The following LGR6 variants were observed in gnomAD, a reference collection of about 807,000 sequenced individuals.
LGR6 encodes the protein leucine rich repeat containing G protein-coupled receptor 6.
Under a neutral mutation model 69.4 loss-of-function variants are expected in LGR6, and 45 were observed. The ratio of observed to expected loss-of-function variants is 0.65; its 90% confidence interval spans 0.51 to 0.83. The LOEUF (loss-of-function observed/expected upper bound fraction) is 0.83, where lower values mean the gene tolerates loss of function less well. LGR6 is among the 40% of genes least tolerant of loss of function. The probability of loss-of-function intolerance (pLI) is 0.00; values close to 1 mark genes in which losing one functional copy is unlikely to be tolerated. For synonymous variants in LGR6, 538 were observed against 555.0 expected (o/e 0.97, Z 0.43); for missense variants, 1,108 against 1,246.7 (o/e 0.89, Z 1.68).
chr1:202,302,475 A>G (rs1209902148), intron 9 of LGR6, among the ~76,000 whole-genome samples: 1 of 152,154 alleles, frequency 6.6e-6, no homozygotes. Flanking sequence ...CCGTGTCCTC[A>G]ATAAAATAGG....
chr1:202,232,708 C>A (rs1354422988), intron 3 of LGR6, among the ~76,000 whole-genome samples: 1 of 152,124 alleles, frequency 6.6e-6, no homozygotes, highest in African/African-American at 2.4e-5. Flanking sequence ...ATAACCAGGG[C>A]TAAGAACCGC....
At chr1:202,198,187 A>T (rs1221003434) in intron 1 of LGR6, among the ~76,000 whole-genome samples, 3 of 151,732 alleles carry the variant, frequency 2.0e-5, no homozygotes, top group African/African-American at 7.3e-5. Flanking sequence ...TTTGCAGGGG[A>T]TGTCTACAGC....
At chr1:202,249,796 G>T (rs1010988626) in intron 4 of LGR6, among the ~76,000 whole-genome samples, 3 of 152,032 alleles carry the variant, frequency 2.0e-5, no homozygotes, top group South Asian at 2.1e-4. Flanking sequence ...TTGTCTGCCC[G>T]CCATCATCAC....
At chr1:202,266,522 A>G (rs1664674798) in intron 4 of LGR6, among the ~76,000 whole-genome samples, 1 of 150,436 alleles carries the variant, frequency 6.6e-6, no homozygotes, top group Non-Finnish European at 1.5e-5. Context: ...AATGCCTACA[A>G]TTTAAAGTTC....
At chr1:202,298,412 G>A (rs536261210) in intron 7 of LGR6, among the ~76,000 whole-genome samples, 18 of 152,270 alleles carry the variant, frequency 1.2e-4, no homozygotes, top group Non-Finnish European at 2.2e-4. Flanking sequence ...AGCTTTACTG[G>A]AGGGAAGCTC....
At chr1:202,254,376 T>G (rs1663576595) in intron 4 of LGR6, among the ~76,000 whole-genome samples, 1 of 152,204 alleles carries the variant, frequency 6.6e-6, no homozygotes, top group South Asian at 2.1e-4. Flanking sequence ...TGGAGTAGGA[T>G]AGACTGGAGG....
At chr1:202,206,481 A>G (rs1659236506) in intron 1 of LGR6, among the ~76,000 whole-genome samples, 1 of 152,184 alleles carries the variant, frequency 6.6e-6, no homozygotes, top group African/African-American at 2.4e-5. Flanking sequence ...ACACAGTCAC[A>G]CAGGGCCCTG....
In LGR6 at chr1:202,318,034, C is replaced by T. The variant is rs780287639; in HGVS notation, c.1731C>T (p.Leu577=). Residue 577 remains leucine (L), a synonymous_variant, in exon 18 of 18, where the codon CTC becomes CTT. Coordinates refer to ENST00000367278, the MANE Select transcript of LGR6 (RefSeq NM_001017403.2). ...GGGCCATCGTGTTGCTCTCCGTGCT[C>T]TGCAATGGACTGGTGCTGCTGACCG... is the stretch of plus-strand genomic sequence containing the variant. ...AVWAIVLLSV[L]CNGLVLLTVF... is the part of the protein sequence containing the mutation. 1.9e-6 allele frequency: 3 copies of T among 1,614,174 alleles called. No homozygotes were observed. Among genetic ancestry groups the T allele is most frequent in the Non-Finnish European group, 2.5e-6 (3 of 1,180,024 alleles).
At chr1:202,286,273 G>A (rs1571966671) in intron 6 of LGR6, among the ~76,000 whole-genome samples, 1 of 152,192 alleles carries the variant, frequency 6.6e-6, no homozygotes, top group Non-Finnish European at 1.5e-5. Flanking sequence ...AGGCTGATAG[G>A]TTGGGGCAGG....
At chr1:202,265,993 C>G (rs1195188580) in intron 4 of LGR6, among the ~76,000 whole-genome samples, 1 of 152,088 alleles carries the variant, frequency 6.6e-6, no homozygotes, top group Non-Finnish European at 1.5e-5. Flanking sequence ...TTTCCCAGCT[C>G]CTCATCTCTC....
At chr1:202,205,057 C>G (rs1659084657) in intron 1 of LGR6, among the ~76,000 whole-genome samples, 1 of 146,512 alleles carries the variant, frequency 6.8e-6, no homozygotes, top group Admixed American at 6.8e-5. Context: ...CCTCCAAACA[C>G]ACACACACCT....
chr1:202,211,796 C>T (rs1470349685), intron 1 of LGR6, among the ~76,000 whole-genome samples: 3 of 152,182 alleles, frequency 2.0e-5, no homozygotes, highest in Admixed American at 6.5e-5. Flanking sequence ...AGAACATCAT[C>T]AGCTTTCCAG....
intron 1 of LGR6, among the ~76,000 whole-genome samples, chr1:202,209,637 T>C (rs1659385666): frequency 6.6e-6 from 1 of 152,220 alleles, no homozygotes; most frequent in Admixed American, 6.5e-5. Flanking sequence ...ATTTAAAACA[T>C]ATTTATAAAA....
At chr1:202,201,264 C>G (rs1449634042) in intron 1 of LGR6, among the ~76,000 whole-genome samples, 1 of 152,210 alleles carries the variant, frequency 6.6e-6, no homozygotes, top group Non-Finnish European at 1.5e-5. Context: ...TCATCAGGAA[C>G]GTTCATTCTT....
intron 8 of LGR6, 70 bp from the exon 9 acceptor site, chr1:202,301,094 A>C: frequency 6.9e-7 from 1 of 1,457,460 alleles, no homozygotes; most frequent in Non-Finnish European, 9.6e-7. Context: ...AGAAGAAAGC[A>C]GAGATTGGCC....
At chr1:202,217,259 G>A (rs1387749703) in intron 1 of LGR6, among the ~76,000 whole-genome samples, 1 of 152,118 alleles carries the variant, frequency 6.6e-6, no homozygotes, top group Non-Finnish European at 1.5e-5. Context: ...TGGTTCCTGT[G>A]GTGGTGCCAA....
chr1:202,311,213 C>T (rs1013697109), intron 16 of LGR6, among the ~76,000 whole-genome samples: 3 of 152,038 alleles, frequency 2.0e-5, no homozygotes, highest in Non-Finnish European at 4.4e-5. Context: ...AGAAAATAAA[C>T]AAACGAAAAA....
rs760081634 is a variant in LGR6, at chr1:202,197,443, C to CT, written c.212+3243dup. On this transcript the variant is annotated intron_variant, in intron 1 of 17. Transcript: ENST00000367278. ...TTTTTTGCAACAGTTTCCTCTTAAACTATAGTCTCAGCGAGGCTCATTGAC... is the reference window on the plus strand; with the variant it reads ...TTTTTTGCAACAGTTTCCTCTTAAACTTATAGTCTCAGCGAGGCTCATTGAC... 5.6e-6 allele frequency: 3 copies of CT among 533,314 alleles called. No individual in the cohort carries two copies. In the Admixed American group the frequency reaches 5.8e-5, roughly 10 times the overall value. The allele number at this position is 533,314 out of a possible 1,614,324, so 33.0% of individuals were successfully genotyped here. A position where few individuals can be genotyped will look rare whatever the true frequency, so the allele number is the denominator to read the frequency against.
intron 1 of LGR6, chr1:202,197,435 C>T (rs748920291): frequency 3.8e-6 from 2 of 533,282 alleles, no homozygotes; most frequent in African/African-American, 3.9e-5. Context: ...CAACAGTTTC[C>T]TCTTAAACTA....
Sources: gnomAD v4.1 joint callset for allele counts (sites outside exome capture counted in the v4.1 genomes callset) on GRCh38, gnomAD v4.1.1 for gene constraint, MANE v1.5 for transcripts, NCBI Gene and HGNC (gene_info 2026-07-23, HGNC 2026-07-21) for gene names.